Variants in SYK observed in about 807,000 individuals in gnomAD.
SYK encodes tyrosine-protein kinase SYK.
SYK carries 16 observed loss-of-function variants against 77.8 expected under a neutral mutation model. The observed-to-expected ratio is 0.21, with a 90% CI of 0.14 to 0.31. The LOEUF (loss-of-function observed/expected upper bound fraction) is 0.31. SYK is among the 10% of genes least tolerant of loss of function. The pLI is 1.00. For missense variants in SYK, 529 were observed against 814.4 expected (o/e 0.65, Z 4.26); for synonymous variants, 312 against 308.7 (o/e 1.01, Z -0.11).
At chr9:90,820,753 C>T (rs966385381) in intron 1 of SYK, among the ~76,000 whole-genome samples, 10 of 152,162 alleles carry the variant, frequency 6.6e-5, no homozygotes, top group African/African-American at 9.7e-5. Flanking sequence ...ACATTAGGCT[C>T]ATTGCTACTT....
chr9:90,833,294 C>T (rs1322595786), intron 1 of SYK, among the ~76,000 whole-genome samples: 1 of 152,202 alleles, frequency 6.6e-6, no homozygotes, highest in African/African-American at 2.4e-5. Context: ...AAGACCCATA[C>T]TTAAAGTAGC....
chr9:90,845,285 T>A, intron 2 of SYK, 149 bp from the exon 3 acceptor site: 1 of 780,488 alleles, frequency 1.3e-6, no homozygotes, highest in Non-Finnish European at 2.0e-6. Flanking sequence ...TGTGTAAAGG[T>A]CTTTCTGGTT....
At chr9:90,841,866 T>TGTGTG (rs1826368067) in intron 1 of SYK, among the ~76,000 whole-genome samples, 1 of 108,076 alleles carries the variant, frequency 9.3e-6, no homozygotes, top group Admixed American at 8.7e-5. Context: ...TTATGTGTGT[T>TGTGTG]GTGTGTGTAG....
chr9:90,860,775 G>A (rs1387824170), intron 3 of SYK, among the ~76,000 whole-genome samples: 1 of 152,090 alleles, frequency 6.6e-6, no homozygotes, highest in Non-Finnish European at 1.5e-5. Context: ...AGTCTCCATG[G>A]CAAGGGACAG....
At chr9:90,824,350 A>G (rs925872285) in intron 1 of SYK, among the ~76,000 whole-genome samples, 3 of 152,188 alleles carry the variant, frequency 2.0e-5, no homozygotes, top group African/African-American at 7.2e-5. Flanking sequence ...CTTCCAGAAA[A>G]TAGAAATGGA....
rs200362424 is a variant in SYK at position 90,844,129 on chromosome 9, C to T, written c.231C>T (p.Ala77=). Residue 77 remains alanine, a synonymous_variant, in exon 2 of 14, where the codon GCC becomes GCT. Coordinates refer to ENST00000375754, the MANE Select transcript of SYK (RefSeq NM_003177.7). ...ERELNGTYAI[A]GGRTHASPAD... ...AGCTGAATGGCACCTACGCCATCGC[C>T]GGTGGCAGGACCCATGCCAGCCCCG... is the stretch of plus-strand genomic sequence containing the variant. 113 of 1,613,804 alleles carry T rather than the reference C, an allele frequency of 7.0e-5. No individual in the cohort carries two copies. The Admixed American group carries it at 1.6e-3, about 22-fold the overall frequency.
At chr9:90,883,058 G>T (rs571844214) in intron 11 of SYK, among the ~76,000 whole-genome samples, 60 of 152,270 alleles carry the variant, frequency 3.9e-4, no homozygotes, top group African/African-American at 1.4e-3. Flanking sequence ...GCTCTGAGTA[G>T]CTGCAGCTTG....
At chr9:90,839,389 A>G (rs944812595) in intron 1 of SYK, among the ~76,000 whole-genome samples, 1 of 152,132 alleles carries the variant, frequency 6.6e-6, no homozygotes, top group East Asian at 1.9e-4. Flanking sequence ...TGAGTGCAGC[A>G]CATTCTTCTG....
intron 1 of SYK, among the ~76,000 whole-genome samples, chr9:90,809,888 G>T (rs1287364300): frequency 1.3e-5 from 2 of 152,070 alleles, no homozygotes; most frequent in Non-Finnish European, 2.9e-5. Context: ...ACAGATCTCA[G>T]ACCCGTTTCC....
intron 3 of SYK, among the ~76,000 whole-genome samples, chr9:90,853,110 G>A (rs889474146): frequency 6.6e-6 from 1 of 151,768 alleles, no homozygotes; most frequent in Non-Finnish European, 1.5e-5. Flanking sequence ...CATGGTCTTG[G>A]TGGGAAAAAT....
Position 90,895,680 on chromosome 9 carries a change from G to C in SYK, c.*80G>C. On this transcript the variant is annotated 3_prime_UTR_variant, in exon 14 of 14. Coordinates refer to ENST00000375754, the MANE Select transcript of SYK (RefSeq NM_003177.7). The surrounding 1 kb of genome is among the most constrained non-coding windows in gnomAD (Gnocchi z 4.4). ...ATGTATCCAGAGGAATTGATTGTCA[G>C]CCACCTCCCTCTGCCAGTCGGGAGA... 7.4e-7 allele frequency: 1 copy of C among 1,351,772 alleles called. No homozygotes were observed. The highest frequency in any genetic ancestry group is 2.3e-5 in the East Asian group (1 of 43,366). The allele number at this position is 1,351,772 out of a possible 1,614,324, so 83.7% of individuals were successfully genotyped here. A position where few individuals can be genotyped will look rare whatever the true frequency, so the allele number is the denominator to read the frequency against.
At chr9:90,817,191 A>ATTGCAC (rs1238896530) in intron 1 of SYK, among the ~76,000 whole-genome samples, 1 of 152,168 alleles carries the variant, frequency 6.6e-6, no homozygotes, top group Admixed American at 6.5e-5. Flanking sequence ...AAGCCAAAAG[A>ATTGCAC]TTGCACATCC....
chr9:90,879,173 T>C (rs976216374), intron 11 of SYK, among the ~76,000 whole-genome samples: 8 of 152,264 alleles, frequency 5.3e-5, no homozygotes, highest in African/African-American at 1.9e-4. Flanking sequence ...TTCTAAATTA[T>C]GTTTCATGGA....
chr9:90,873,688 C>T (rs370138124), intron 7 of SYK, among the ~76,000 whole-genome samples: 41 of 152,254 alleles, frequency 2.7e-4, no homozygotes, highest in African/African-American at 9.9e-4. Context: ...TGCTGCATCT[C>T]CACCGAAGAT....
At position 90,844,295 on chromosome 9, in the gene SYK, A is replaced by C. The variant is rs1325361623; in HGVS notation, c.397A>C (p.Lys133Gln). 2 of 1,610,376 alleles carry C rather than the reference A, an allele frequency of 1.2e-6. No homozygotes were observed. Among genetic ancestry groups the C allele is most frequent in the Non-Finnish European group, 1.7e-6 (2 of 1,178,080 alleles). ...GGAAAACCTCATCAGGGAATATGTG[A>C]AGCAGACATGGAACCTGCAGGTGGG... is the stretch of plus-strand genomic sequence containing the variant. Reference protein sequence around the residue: ...LKENLIREYVKQTWNLQGQAL... With the variant: ...LKENLIREYVQQTWNLQGQAL... The change falls in exon 2 of 14, where the codon AAG becomes CAG. Residue 133 changes from lysine (K) to glutamine (Q), a missense_variant. Transcript: ENST00000375754.
chr9:90,841,789 AGT>A (rs1353254529), intron 1 of SYK, among the ~76,000 whole-genome samples: 1 of 139,920 alleles, frequency 7.1e-6, no homozygotes, highest in African/African-American at 2.7e-5. Flanking sequence ...TGGTGTGTGT[AGT>A]GTGTTATGTG....
At chr9:90,846,606 G>A (rs1335131472) in intron 3 of SYK, among the ~76,000 whole-genome samples, 5 of 150,940 alleles carry the variant, frequency 3.3e-5, no homozygotes, top group South Asian at 4.2e-4. Context: ...TCTCACTATC[G>A]TTTGAGGCTA....
intron 1 of SYK, among the ~76,000 whole-genome samples, chr9:90,818,196 G>T (rs1409218330): frequency 6.6e-6 from 1 of 152,190 alleles, no homozygotes; most frequent in East Asian, 1.9e-4. Context: ...GGTTCTTGTT[G>T]CAGGGTCATT....
intron 7 of SYK, among the ~76,000 whole-genome samples, chr9:90,872,694 A>G (rs1275785499): frequency 6.6e-6 from 1 of 152,246 alleles, no homozygotes; most frequent in Non-Finnish European, 1.5e-5. Context: ...GGCTTGAGAG[A>G]GAGCTAATTT....
Sources: allele counts gnomAD v4.1 joint callset (sites outside exome capture counted in the v4.1 genomes callset), GRCh38; gene constraint gnomAD v4.1.1; non-coding constraint Gnocchi (gnomAD v3.1); transcripts MANE v1.5; gene names NCBI Gene and HGNC (gene_info 2026-07-23, HGNC 2026-07-21).